KCNB2: variants seen among roughly 807,000 people sequenced by gnomAD.
KCNB2 encodes potassium voltage-gated channel subfamily B member 2, also known as delayed rectifier potassium channel protein.
Under a neutral mutation model 61.5 loss-of-function variants are expected in KCNB2, and 15 were observed. The ratio of observed to expected loss-of-function variants is 0.24; its 90% confidence interval spans 0.16 to 0.38. KCNB2 has a LOEUF of 0.38. Ranked by LOEUF, KCNB2 falls within the 10% of genes least tolerant of loss-of-function variation. KCNB2 has a pLI of 1.00. For missense variants in KCNB2, 828 were observed against 1,125.2 expected (o/e 0.74, Z 3.78); for synonymous variants, 457 against 446.0 (o/e 1.02, Z -0.31).
rs528839376 is a variant in KCNB2 at position 72,868,600 on chromosome 8, C to A, written c.580-67335C>A. Among the ~76,000 whole-genome samples, 8 of 151,612 alleles carry A rather than the reference C, an allele frequency of 5.3e-5. No individual in the cohort carries two copies. The South Asian group carries it at 6.3e-4, about 12-fold the overall frequency. On this transcript the variant is annotated intron_variant, in intron 2 of 2. Transcript: ENST00000523207. ...TCAAAAACAAAACAAACAAAAAAAACCCCAAAACAAACCAAAAAAAACCCA... is the reference window on the plus strand; with the variant it reads ...TCAAAAACAAAACAAACAAAAAAAAACCCAAAACAAACCAAAAAAAACCCA...
intron 2 of KCNB2, among the ~76,000 whole-genome samples, chr8:72,728,998 T>G (rs1246598110): frequency 6.6e-6 from 1 of 152,204 alleles, no homozygotes; most frequent in Non-Finnish European, 1.5e-5. Flanking sequence ...AAGACCATGA[T>G]GTCTTTCACA....
At chr8:72,585,445 C>T (rs1487550226) in intron 2 of KCNB2, among the ~76,000 whole-genome samples, 1 of 152,158 alleles carries the variant, frequency 6.6e-6, no homozygotes, top group East Asian at 1.9e-4. Context: ...GTTTTATCTT[C>T]TCTCTCTTTC....
chr8:72,617,413 G>A (rs1481286068), intron 2 of KCNB2, among the ~76,000 whole-genome samples: 1 of 152,030 alleles, frequency 6.6e-6, no homozygotes, highest in Non-Finnish European at 1.5e-5. Context: ...AGAAAGGCGG[G>A]GATTTGGCAC....
chr8:72,844,520 T>A (rs1809952104), intron 2 of KCNB2, among the ~76,000 whole-genome samples: 1 of 152,242 alleles, frequency 6.6e-6, no homozygotes, highest in African/African-American at 2.4e-5. Context: ...CTGAATAATA[T>A]CCTGAAGAGT....
chr8:72,689,985 C>T (rs897301984), intron 2 of KCNB2, among the ~76,000 whole-genome samples: 1 of 151,426 alleles, frequency 6.6e-6, no homozygotes, highest in Non-Finnish European at 1.5e-5. Flanking sequence ...TATTAGTTTT[C>T]CTGAAATTAC....
chr8:72,743,812 A>T (rs972431724), intron 2 of KCNB2, among the ~76,000 whole-genome samples: 1 of 152,232 alleles, frequency 6.6e-6, no homozygotes, highest in Admixed American at 6.5e-5. Context: ...AAATATGTCA[A>T]TCACATCAGA....
intron 2 of KCNB2, among the ~76,000 whole-genome samples, chr8:72,859,139 C>A (rs910299252): frequency 1.3e-5 from 2 of 152,082 alleles, no homozygotes; most frequent in Non-Finnish European, 1.5e-5. Flanking sequence ...ATCTGGGACA[C>A]AAATGTTTGG....
chr8:72,853,106 G>T (rs1485708529), intron 2 of KCNB2, among the ~76,000 whole-genome samples: 1 of 152,142 alleles, frequency 6.6e-6, no homozygotes, highest in Non-Finnish European at 1.5e-5. Flanking sequence ...GTGTTATCTT[G>T]GACAGCCACT....
intron 2 of KCNB2, among the ~76,000 whole-genome samples, chr8:72,742,245 T>C (rs1406152674): frequency 6.6e-6 from 1 of 152,234 alleles, no homozygotes; most frequent in Non-Finnish European, 1.5e-5. Flanking sequence ...TTGAATCCCA[T>C]TCTTTCCATC....
At chr8:72,715,283 A>T (rs1392289441) in intron 2 of KCNB2, among the ~76,000 whole-genome samples, 3 of 152,204 alleles carry the variant, frequency 2.0e-5, no homozygotes, top group Non-Finnish European at 2.9e-5. Flanking sequence ...ATATCCAGGA[A>T]TTGAACTCGG....
Position 72,537,768 on chromosome 8 carries a change from G to A in KCNB2, c.-211G>A, listed in dbSNP as rs139609234. On this transcript the variant is annotated 5_prime_UTR_variant, in exon 1 of 3. Coordinates refer to ENST00000523207, the MANE Select transcript of KCNB2 (RefSeq NM_004770.3). ...GAGGGGAGGGGGATTTCCAGCGACA[G>A]GTCATTGGCGAAGGGGATCGTCGCG... 1,146 of 152,356 alleles carry A rather than the reference G, an allele frequency of 7.5e-3. 9 individuals carry two copies. The highest frequency in any genetic ancestry group is 0.01 in the Non-Finnish European group (700 of 68,140). The allele number at this position is 152,356 out of a possible 1,614,324, so 9.4% of individuals were successfully genotyped here. A position where few individuals can be genotyped will look rare whatever the true frequency, so the allele number is the denominator to read the frequency against.
At chr8:72,561,023 A>G (rs1806502392) in intron 1 of KCNB2, among the ~76,000 whole-genome samples, 1 of 152,184 alleles carries the variant, frequency 6.6e-6, no homozygotes, top group African/African-American at 2.4e-5. Flanking sequence ...CTCATATTAC[A>G]TATCCTATTT....
At chr8:72,656,266 G>T (rs1345248833) in intron 2 of KCNB2, among the ~76,000 whole-genome samples, 3 of 152,100 alleles carry the variant, frequency 2.0e-5, no homozygotes, top group African/African-American at 7.2e-5. Flanking sequence ...GATTAAAAAG[G>T]ATAAAGAAAA....
intron 2 of KCNB2, among the ~76,000 whole-genome samples, chr8:72,786,090 T>G (rs1167865021): frequency 3.3e-5 from 5 of 151,962 alleles, no homozygotes; most frequent in Admixed American, 1.3e-4. Context: ...CACTCGCATT[T>G]TCACATTTAG....
At chr8:72,649,562 C>T (rs1401656969) in intron 2 of KCNB2, among the ~76,000 whole-genome samples, 1 of 152,096 alleles carries the variant, frequency 6.6e-6, no homozygotes. Context: ...ATGTTACAAA[C>T]CTGCATGTGT....
intron 2 of KCNB2, among the ~76,000 whole-genome samples, chr8:72,647,133 G>T (rs1806141360): frequency 6.6e-6 from 1 of 152,082 alleles, no homozygotes; most frequent in Non-Finnish European, 1.5e-5. Context: ...AGGCTGAAGA[G>T]AATCTTCCAT....
chr8:72,895,014 C>G (rs975558096), intron 2 of KCNB2, among the ~76,000 whole-genome samples: 1 of 152,116 alleles, frequency 6.6e-6, no homozygotes, highest in African/African-American at 2.4e-5. Context: ...GACCCTCCCC[C>G]TAAGGCCCTT....
chr8:72,725,591 GTATATATATATA>G (rs60157669), intron 2 of KCNB2, among the ~76,000 whole-genome samples: 1,407 of 51,960 alleles, frequency 0.027, 88 homozygotes, highest in African/African-American at 0.087. Context: ...ATATATGTAT[GTATATATATATA>G]TATATATATA....
chr8:72,618,184 T>TA (rs397774049), intron 2 of KCNB2, among the ~76,000 whole-genome samples: 4,224 of 147,676 alleles, frequency 0.029, 177 homozygotes, highest in African/African-American at 0.098. Flanking sequence ...ACATGTGTGT[T>TA]AAAAAAAAAA....
Sources: gnomAD v4.1 joint callset for allele counts (sites outside exome capture counted in the v4.1 genomes callset) on GRCh38, gnomAD v4.1.1 for gene constraint, MANE v1.5 for transcripts, NCBI Gene and HGNC (gene_info 2026-07-23, HGNC 2026-07-21) for gene names.